STK3: variants seen among roughly 807,000 people sequenced by gnomAD.
STK3 encodes the protein serine/threonine kinase 3.
A neutral mutation model predicts 58.0 loss-of-function variants in STK3; 41 were observed. The observed-to-expected ratio is 0.71, with a 90% CI of 0.55 to 0.92. STK3 has a LOEUF of 0.92. STK3 is among the 40% of genes least tolerant of loss of function. STK3 has a pLI of 0.00. For synonymous variants in STK3, 170 were observed against 191.0 expected, an observed-to-expected ratio of 0.89 and a Z score of 0.91; for missense variants, 479 against 602.7, an observed-to-expected ratio of 0.79 and a Z score of 2.15.
intron 1 of STK3, among the ~76,000 whole-genome samples, chr8:98,786,895 G>C (rs955572954): frequency 1.3e-5 from 2 of 152,140 alleles, no homozygotes; most frequent in Non-Finnish European, 2.9e-5. Flanking sequence ...GGTCAATGTG[G>C]TGCGGTGGCT....
At chr8:98,489,197 T>C (rs1335640543) in intron 10 of STK3, among the ~76,000 whole-genome samples, 1 of 151,882 alleles carries the variant, frequency 6.6e-6, no homozygotes, top group Non-Finnish European at 1.5e-5. Context: ...TGAGAGGATA[T>C]GAAAACATAA....
intron 6 of STK3, among the ~76,000 whole-genome samples, chr8:98,621,855 C>T (rs1246165331): frequency 1.3e-5 from 2 of 151,672 alleles, no homozygotes; most frequent in Non-Finnish European, 2.9e-5. Context: ...TAAGAAGCTC[C>T]GTATGGCCAG....
chr8:98,380,231 C>T (rs1459609031), intron 1 of STK3, among the ~76,000 whole-genome samples: 1 of 152,020 alleles, frequency 6.6e-6, no homozygotes, highest in Non-Finnish European at 1.5e-5. Context: ...TTCCTCTGTA[C>T]CCACAGTCAA....
At chr8:98,552,155 CCA>C (rs1180699993) in intron 8 of STK3, among the ~76,000 whole-genome samples, 1 of 152,070 alleles carries the variant, frequency 6.6e-6, no homozygotes, top group Non-Finnish European at 1.5e-5. Flanking sequence ...CCTTCTATTC[CCA>C]GAGTCCCATA....
At position 98,695,249 on chromosome 8, in the gene STK3, C is replaced by T. The variant is rs975571083; in HGVS notation, c.684+11218G>A. On this transcript the variant is annotated intron_variant, in intron 6 of 10. Coordinates refer to ENST00000419617, the MANE Select transcript of STK3 (RefSeq NM_006281.4). ...TCATTGTAGATTCTGGATATTAGCCCTTTGTCAGATGAGTAGATTGCAAAA... is the reference window on the plus strand; with the variant it reads ...TCATTGTAGATTCTGGATATTAGCCTTTTGTCAGATGAGTAGATTGCAAAA... 1.8e-4 allele frequency among the ~76,000 whole-genome samples: 28 copies of T among 152,084 alleles called. 1 individual carries two copies.
At chr8:98,809,235 T>G (rs935998110) in intron 1 of STK3, among the ~76,000 whole-genome samples, 2 of 152,220 alleles carry the variant, frequency 1.3e-5, no homozygotes, top group African/African-American at 4.8e-5. Context: ...TGACTGAACT[T>G]GATTTGTAGC....
chr8:98,940,445 C>G (rs531998871), intron 1 of STK3, among the ~76,000 whole-genome samples: 2 of 152,222 alleles, frequency 1.3e-5, no homozygotes, highest in Non-Finnish European at 2.9e-5. Flanking sequence ...CCTGAGACCC[C>G]GTGCTCGGCC....
intron 1 of STK3, among the ~76,000 whole-genome samples, chr8:98,893,245 C>T (rs577513310): frequency 1.4e-4 from 21 of 151,630 alleles, no homozygotes; most frequent in Non-Finnish European, 2.9e-4. Flanking sequence ...AAAAATTAAC[C>T]AGGCATGGTG....
chr8:98,937,839 A>G lies in STK3; in HGVS notation c.-79+4539T>C, dbSNP rs1840250502. ...TGTTAAAACTTGTATCTGCATTCAAATATTGGCCTTGGCATTTCCTAAGGG... is the reference window on the plus strand; with the variant it reads ...TGTTAAAACTTGTATCTGCATTCAAGTATTGGCCTTGGCATTTCCTAAGGG... On this transcript the variant is annotated intron_variant, in intron 1 of 1. Transcript: ENST00000519420. Among the ~76,000 whole-genome samples, 3 of 152,356 alleles carry G rather than the reference A, an allele frequency of 2.0e-5. No homozygotes were observed. In the South Asian group the frequency reaches 6.2e-4, roughly 32 times the overall value.
At chr8:98,708,455 T>C (rs1826133522) in intron 4 of STK3, among the ~76,000 whole-genome samples, 1 of 151,848 alleles carries the variant, frequency 6.6e-6, no homozygotes, top group Admixed American at 6.6e-5. Context: ...TCTGACCTAA[T>C]ATTGAGAACT....
intron 6 of STK3, among the ~76,000 whole-genome samples, chr8:98,659,533 A>G (rs1821807602): frequency 6.6e-6 from 1 of 151,874 alleles, no homozygotes; most frequent in Admixed American, 6.6e-5. Flanking sequence ...CTTTCATAAC[A>G]AATTAAGCAT....
intron 3 of STK3, among the ~76,000 whole-genome samples, chr8:98,836,937 C>T (rs889968362): frequency 6.6e-6 from 1 of 152,078 alleles, no homozygotes; most frequent in Non-Finnish European, 1.5e-5. Flanking sequence ...GATACATAAG[C>T]ACACATTTCA....
At chr8:98,806,297 G>GAA (rs373844147) in intron 1 of STK3, among the ~76,000 whole-genome samples, 1 of 149,042 alleles carries the variant, frequency 6.7e-6, no homozygotes, top group African/African-American at 2.5e-5. Flanking sequence ...GCCTTTATGG[G>GAA]AAAAAAAAAA....
intron 3 of STK3, among the ~76,000 whole-genome samples, chr8:98,763,470 T>C (rs1309973609): frequency 1.3e-5 from 2 of 152,236 alleles, no homozygotes; most frequent in Non-Finnish European, 2.9e-5. Context: ...GCTGAATGTA[T>C]TAAGAAAATA....
intron 1 of STK3, among the ~76,000 whole-genome samples, chr8:98,809,967 C>T (rs1461988185): frequency 2.6e-5 from 4 of 152,192 alleles, no homozygotes; most frequent in African/African-American, 7.2e-5. Flanking sequence ...AGCTTCTGCT[C>T]TGCTTTTGGG....
chr8:98,692,982 A>C (rs898045107), intron 6 of STK3, among the ~76,000 whole-genome samples: 2 of 152,146 alleles, frequency 1.3e-5, no homozygotes, highest in African/African-American at 4.8e-5. Flanking sequence ...ATGCAGATAT[A>C]ATTAAGTTAA....
At chr8:98,602,917 A>C (rs143427656) in intron 6 of STK3, among the ~76,000 whole-genome samples, 1 of 151,556 alleles carries the variant, frequency 6.6e-6, no homozygotes, top group Non-Finnish European at 1.5e-5. Context: ...AGTACCAAAT[A>C]TATCTAAAGA....
intron 10 of STK3, among the ~76,000 whole-genome samples, chr8:98,502,038 C>A (rs1327358873): frequency 2.0e-5 from 3 of 152,202 alleles, no homozygotes; most frequent in Non-Finnish European, 4.4e-5. Flanking sequence ...TATCCATGAG[C>A]AAGGAATGTT....
At chr8:98,781,377 T>A (rs1463445049) in intron 1 of STK3, among the ~76,000 whole-genome samples, 1 of 152,106 alleles carries the variant, frequency 6.6e-6, no homozygotes, top group Non-Finnish European at 1.5e-5. Flanking sequence ...GAGGTTTCCA[T>A]GAAATGCCAA....
Sources: gnomAD v4.1 joint callset for allele counts (sites outside exome capture counted in the v4.1 genomes callset) on GRCh38, gnomAD v4.1.1 for gene constraint, MANE v1.5 for transcripts, NCBI Gene and HGNC (gene_info 2026-07-23, HGNC 2026-07-21) for gene names.